Variants in PLXDC2 observed in about 807,000 individuals in gnomAD.
The protein encoded by PLXDC2 is plexin domain-containing protein 2.
In PLXDC2, 40 loss-of-function variants were observed where a neutral mutation model predicts 68.9. That is an observed-to-expected ratio of 0.58 (90% CI 0.45 to 0.76). The LOEUF is 0.76. Ranked by LOEUF, PLXDC2 falls within the 30% of genes least tolerant of loss-of-function variation. The pLI is 0.00. For missense variants in PLXDC2, 644 were observed against 661.9 expected, an observed-to-expected ratio of 0.97 and a Z score of 0.30; for synonymous variants, 243 against 234.2, an observed-to-expected ratio of 1.04 and a Z score of -0.34.
At chr10:20,139,047 T>C (rs1833968408) in intron 4 of PLXDC2, among the ~76,000 whole-genome samples, 1 of 152,222 alleles carries the variant, frequency 6.6e-6, no homozygotes, top group Non-Finnish European at 1.5e-5. Flanking sequence ...TCTATAATGA[T>C]TGAATGGGAT....
intron 4 of PLXDC2, among the ~76,000 whole-genome samples, chr10:20,127,614 A>G (rs1833810565): frequency 6.6e-6 from 1 of 152,178 alleles, no homozygotes; most frequent in African/African-American, 2.4e-5. Flanking sequence ...CCCCCTCTTT[A>G]TATATGGGCA....
At chr10:20,269,889 G>A (rs1001189447) in intron 13 of PLXDC2, among the ~76,000 whole-genome samples, 5 of 152,012 alleles carry the variant, frequency 3.3e-5, no homozygotes, top group Admixed American at 6.6e-5. Context: ...ATGGTTGTGC[G>A]TGCTTGTAGT....
At chr10:19,919,212 G>A (rs1277169209) in intron 1 of PLXDC2, among the ~76,000 whole-genome samples, 1 of 152,190 alleles carries the variant, frequency 6.6e-6, no homozygotes, top group Non-Finnish European at 1.5e-5. Flanking sequence ...AATTAATACA[G>A]TATGTCATAT....
chr10:19,908,982 A>C (rs2131372637), intron 1 of PLXDC2, among the ~76,000 whole-genome samples: 1 of 152,184 alleles, frequency 6.6e-6, no homozygotes, highest in East Asian at 1.9e-4. Context: ...CACCAAAATA[A>C]AGTTCCGTCC....
intron 3 of PLXDC2, among the ~76,000 whole-genome samples, chr10:20,063,467 G>A (rs1589611251): frequency 6.6e-6 from 1 of 152,102 alleles, no homozygotes. Flanking sequence ...TTTATTAGAA[G>A]GCTTCTGTAT....
At chr10:19,981,049 A>G (rs186581404) in intron 1 of PLXDC2, among the ~76,000 whole-genome samples, 1 of 152,268 alleles carries the variant, frequency 6.6e-6, no homozygotes, top group Admixed American at 6.5e-5. Context: ...CAAGTATAAG[A>G]TTTTTAAAAA....
chr10:20,082,262 CTAA>C (rs1217976371), intron 4 of PLXDC2, among the ~76,000 whole-genome samples: 2 of 151,300 alleles, frequency 1.3e-5, no homozygotes, highest in African/African-American at 2.4e-5. Flanking sequence ...AATAATTCAG[CTAA>C]TAATTATATA....
intron 1 of PLXDC2, among the ~76,000 whole-genome samples, chr10:19,942,536 G>A (rs1477696042): frequency 1.3e-5 from 2 of 152,212 alleles, no homozygotes; most frequent in Non-Finnish European, 2.9e-5. Flanking sequence ...GTCAAGGCAA[G>A]TGGATCACTT....
chr10:19,844,613 C>T (rs12768124), intron 1 of PLXDC2, among the ~76,000 whole-genome samples: 29,051 of 146,732 alleles, frequency 0.2, 3,143 homozygotes, highest in Non-Finnish European at 0.26. Context: ...TTTCTTTTTT[C>T]TTTTTGAGGT....
At chr10:20,247,559 G>A (rs576472653) in intron 13 of PLXDC2, among the ~76,000 whole-genome samples, 2 of 152,170 alleles carry the variant, frequency 1.3e-5, no homozygotes, top group African/African-American at 2.4e-5. Context: ...TACCCCATAA[G>A]CTTCTCTAGA....
chr10:20,025,146 T>C (rs967686430), intron 2 of PLXDC2, among the ~76,000 whole-genome samples: 2 of 152,190 alleles, frequency 1.3e-5, no homozygotes, highest in African/African-American at 4.8e-5. Context: ...AGCTCTGTTT[T>C]AATTTCTTTG....
At chr10:20,249,370 A>T (rs531086245) in intron 13 of PLXDC2, among the ~76,000 whole-genome samples, 2 of 152,340 alleles carry the variant, frequency 1.3e-5, no homozygotes, top group Non-Finnish European at 2.9e-5. Flanking sequence ...TACTTAAAAT[A>T]ACACACACTT....
intron 4 of PLXDC2, among the ~76,000 whole-genome samples, chr10:20,142,573 G>A (rs1834020801): frequency 6.6e-6 from 1 of 152,172 alleles, no homozygotes; most frequent in African/African-American, 2.4e-5. Flanking sequence ...TTAATTCAAA[G>A]CCAAAGTTCT....
At chr10:19,937,907 A>T (rs1339997367) in intron 1 of PLXDC2, among the ~76,000 whole-genome samples, 2 of 152,098 alleles carry the variant, frequency 1.3e-5, no homozygotes, top group African/African-American at 2.4e-5. Flanking sequence ...TACCCCACTT[A>T]GTTGGCTTGG....
At chr10:20,237,363 C>T (rs1338502962) in intron 12 of PLXDC2, among the ~76,000 whole-genome samples, 3 of 151,902 alleles carry the variant, frequency 2.0e-5, no homozygotes, top group Admixed American at 6.6e-5. Flanking sequence ...AATAGTATCA[C>T]TGTGATTAAG....
At chr10:19,877,630 C>A (rs1404458412) in intron 1 of PLXDC2, among the ~76,000 whole-genome samples, 1 of 152,228 alleles carries the variant, frequency 6.6e-6, no homozygotes, top group East Asian at 1.9e-4. Flanking sequence ...ATCCAAGGGC[C>A]ATGCCCTAGT....
intron 1 of PLXDC2, among the ~76,000 whole-genome samples, chr10:19,873,077 G>A (rs1297379029): frequency 1.3e-5 from 2 of 152,164 alleles, no homozygotes; most frequent in African/African-American, 4.8e-5. Flanking sequence ...TTCAAAACAA[G>A]GGTGTTCATG....
chr10:20,052,737 AAAAAGAAAGAAAGAAAAAAAG>A (rs1835926639), intron 3 of PLXDC2, among the ~76,000 whole-genome samples: 2 of 151,098 alleles, frequency 1.3e-5, no homozygotes, highest in Non-Finnish European at 2.9e-5. Flanking sequence ...AAAAAAAAAA[AAAAAGAAAGAAAGAAAAAAAG>A]AAAAGAAAGA....
rs1005717186 is a variant in PLXDC2 at position 20,289,280 on chromosome 10, G to A, written c.*9461G>A. ...CAGGATTGCACAGTGTGTGGGCAAT[G>A]GGATGGAGACTTTTTCCCCTATTCC... On this transcript the variant is annotated 3_prime_UTR_variant, in exon 14 of 14. Coordinates refer to ENST00000377252, the MANE Select transcript of PLXDC2 (RefSeq NM_032812.9). 5 of 152,284 alleles carry A rather than the reference G, an allele frequency of 3.3e-5. No individual in the cohort carries two copies. Among genetic ancestry groups the A allele is most frequent in the African/African-American group, 9.6e-5 (4 of 41,538 alleles). The allele number at this position is 152,284 out of a possible 1,614,324, so 9.4% of individuals were successfully genotyped here.
Sources: allele counts gnomAD v4.1 joint callset (sites outside exome capture counted in the v4.1 genomes callset), GRCh38; gene constraint gnomAD v4.1.1; transcripts MANE v1.5; gene names NCBI Gene and HGNC (gene_info 2026-07-23, HGNC 2026-07-21).